MAPK4: variants seen among roughly 807,000 people sequenced by gnomAD.
The protein encoded by MAPK4 is mitogen-activated protein kinase 4.
MAPK4 carries 22 observed loss-of-function variants against 47.7 expected under a neutral mutation model. The ratio of observed to expected loss-of-function variants is 0.46; its 90% CI spans 0.33 to 0.66. The LOEUF (loss-of-function observed/expected upper bound fraction) is 0.66, where lower values mean the gene tolerates loss of function less well. MAPK4 is among the 30% of genes least tolerant of loss of function. The pLI is 0.02. For synonymous variants in MAPK4, 390 were observed against 365.7 expected, an observed-to-expected ratio of 1.07 and a Z score of -0.76; for missense variants, 736 against 831.7, an observed-to-expected ratio of 0.88 and a Z score of 1.42.
chr18:50,675,892 G>T (rs1039884481), intron 2 of MAPK4, among the ~76,000 whole-genome samples: 2 of 152,234 alleles, frequency 1.3e-5, no homozygotes, highest in Admixed American at 6.5e-5. Context: ...CTCCTAAAGT[G>T]CTGGGATTAT....
At chr18:50,582,324 C>G (rs1023700320) in intron 1 of MAPK4, among the ~76,000 whole-genome samples, 1 of 152,188 alleles carries the variant, frequency 6.6e-6, no homozygotes, top group African/African-American at 2.4e-5. Flanking sequence ...AAGCTAAATC[C>G]TGACTCTACC....
chr18:50,625,594 G>A (rs1266562543), intron 1 of MAPK4, among the ~76,000 whole-genome samples: 2 of 152,130 alleles, frequency 1.3e-5, no homozygotes, highest in African/African-American at 4.8e-5. Context: ...AGTTCAGTTA[G>A]AGAGGGAAGA....
intron 2 of MAPK4, among the ~76,000 whole-genome samples, chr18:50,701,518 C>T (rs1221221420): frequency 1.3e-5 from 2 of 152,066 alleles, no homozygotes; most frequent in East Asian, 1.9e-4. Context: ...GCTATGTTTA[C>T]GTGGTTTGCA....
At chr18:50,676,228 A>C (rs947516292) in intron 2 of MAPK4, among the ~76,000 whole-genome samples, 1 of 151,986 alleles carries the variant, frequency 6.6e-6, no homozygotes, top group African/African-American at 2.4e-5. Context: ...ATCTTTTTGG[A>C]TCTTTGTTCT....
At chr18:50,691,598 G>T (rs917394256) in intron 2 of MAPK4, among the ~76,000 whole-genome samples, 8 of 152,286 alleles carry the variant, frequency 5.3e-5, no homozygotes, top group African/African-American at 1.9e-4. Flanking sequence ...CATATATGTG[G>T]TCATTTAAAT....
chr18:50,567,021 A>G (rs2042204388), intron 1 of MAPK4, among the ~76,000 whole-genome samples: 1 of 151,978 alleles, frequency 6.6e-6, no homozygotes, highest in Non-Finnish European at 1.5e-5. Context: ...TATTGTGAAC[A>G]TAATTTTTGT....
chr18:50,640,069 T>G (rs868106288), intron 1 of MAPK4, among the ~76,000 whole-genome samples: 4 of 152,352 alleles, frequency 2.6e-5, no homozygotes, highest in African/African-American at 9.6e-5. Context: ...TCTCAGGAAC[T>G]GTGAGCATAG....
At chr18:50,630,844 C>T (rs1328192030) in intron 1 of MAPK4, among the ~76,000 whole-genome samples, 1 of 152,212 alleles carries the variant, frequency 6.6e-6, no homozygotes, top group Non-Finnish European at 1.5e-5. Flanking sequence ...TTTGTTTTTC[C>T]CAGCTGGGAG....
At chr18:50,617,943 A>G (rs2042698673) in intron 1 of MAPK4, among the ~76,000 whole-genome samples, 1 of 152,230 alleles carries the variant, frequency 6.6e-6, no homozygotes, top group South Asian at 2.1e-4. Context: ...CTTCTTGAAC[A>G]TGTCCCATGA....
At chr18:50,650,016 C>T (rs1477174179) in intron 1 of MAPK4, among the ~76,000 whole-genome samples, 2 of 152,204 alleles carry the variant, frequency 1.3e-5, no homozygotes, top group African/African-American at 2.4e-5. Flanking sequence ...GAAATAACTA[C>T]ACTGTGCAGG....
chr18:50,660,601 T>A (rs1293684957), intron 1 of MAPK4, among the ~76,000 whole-genome samples: 1 of 152,148 alleles, frequency 6.6e-6, no homozygotes, highest in Non-Finnish European at 1.5e-5. Context: ...GGCTAATGTA[T>A]GGTAAATGCC....
chr18:50,604,948 A>G (rs539251104), intron 1 of MAPK4, among the ~76,000 whole-genome samples: 1 of 152,366 alleles, frequency 6.6e-6, no homozygotes, highest in East Asian at 1.9e-4. Context: ...TGCAAGAGAC[A>G]GAGCCTTAAA....
intron 2 of MAPK4, among the ~76,000 whole-genome samples, chr18:50,690,121 G>A (rs774237944): frequency 6.6e-6 from 1 of 152,146 alleles, no homozygotes; most frequent in African/African-American, 2.4e-5. Flanking sequence ...CCACTCCCAG[G>A]CTGGCTCTCC....
chr18:50,588,449 G>A (rs2042407283), intron 1 of MAPK4, among the ~76,000 whole-genome samples: 1 of 152,148 alleles, frequency 6.6e-6, no homozygotes, highest in Admixed American at 6.5e-5. Context: ...TAAGACCCTG[G>A]GCTCAAAAGC....
chr18:50,675,717 C>A (rs1908226811), intron 2 of MAPK4, among the ~76,000 whole-genome samples: 1 of 152,160 alleles, frequency 6.6e-6, no homozygotes, highest in South Asian at 2.1e-4. Flanking sequence ...GTCTTGATCT[C>A]TTGACCTCGT....
intron 1 of MAPK4, among the ~76,000 whole-genome samples, chr18:50,592,998 C>T (rs767667193): frequency 6.6e-6 from 1 of 152,136 alleles, no homozygotes; most frequent in Non-Finnish European, 1.5e-5. Context: ...CTAAGTCATT[C>T]GTCCCACACT....
chr18:50,673,292 A>T (rs540568660), intron 2 of MAPK4, among the ~76,000 whole-genome samples: 1 of 152,220 alleles, frequency 6.6e-6, no homozygotes, highest in South Asian at 2.1e-4. Flanking sequence ...AATAAATAAA[A>T]AATGCCTCAA....
chr18:50,682,868 T>C (rs1023582843), intron 2 of MAPK4, among the ~76,000 whole-genome samples: 4 of 152,188 alleles, frequency 2.6e-5, no homozygotes, highest in African/African-American at 9.7e-5. Flanking sequence ...CACTAGTCTT[T>C]CCATAAAGTG....
At chr18:50,563,519 T>A (rs1189070023) in intron 1 of MAPK4, among the ~76,000 whole-genome samples, 1 of 152,200 alleles carries the variant, frequency 6.6e-6, no homozygotes, top group African/African-American at 2.4e-5. Context: ...GTCAAGGACC[T>A]TTGTCTCCTG....
Sources: allele counts gnomAD v4.1 joint callset (sites outside exome capture counted in the v4.1 genomes callset), GRCh38; gene constraint gnomAD v4.1.1; transcripts MANE v1.5; gene names NCBI Gene and HGNC (gene_info 2026-07-23, HGNC 2026-07-21).